The following UGT1A7 variants were observed in gnomAD, a reference collection of about 807,000 sequenced individuals.
UGT1A7 encodes the protein UDP-glucuronosyltransferase 1A7.
UGT1A7 carries 33 observed loss-of-function variants against 45.6 expected under a neutral mutation model. That is an observed-to-expected ratio of 0.72 (90% CI 0.55 to 0.97). The LOEUF (loss-of-function observed/expected upper bound fraction) is 0.97, where lower values mean the gene tolerates loss of function less well. UGT1A7 is among the 50% of genes least tolerant of loss of function. UGT1A7 has a pLI of 0.00. For synonymous variants in UGT1A7, 274 were observed against 250.6 expected, an observed-to-expected ratio of 1.09 and a Z score of -0.88; for missense variants, 684 against 666.2, an observed-to-expected ratio of 1.03 and a Z score of -0.29.
chr2:233,768,820 G>A (rs1699735908), intron 4 of UGT1A7, among the ~76,000 whole-genome samples: 1 of 151,998 alleles, frequency 6.6e-6, no homozygotes, highest in Non-Finnish European at 1.5e-5. Flanking sequence ...CTGACTTCAG[G>A]TGATCCACCT....
At chr2:233,692,755 G>A (rs1416113067) in intron 1 of UGT1A7, 3 of 1,150,320 alleles carry the variant, frequency 2.6e-6, no homozygotes, top group Non-Finnish European at 3.4e-6. Flanking sequence ...CAGACTTGTG[G>A]AGCTGAAGAG....
At chr2:233,768,494 T>A in intron 4 of UGT1A7, 55 bp downstream of exon 4, 1 of 1,575,098 alleles carries the variant, frequency 6.3e-7, no homozygotes, top group Non-Finnish European at 8.6e-7. Context: ...GATAAAATTG[T>A]TTCAAATATG....
At chr2:233,715,820 G>C (rs1490526502) in intron 1 of UGT1A7, among the ~76,000 whole-genome samples, 1 of 152,098 alleles carries the variant, frequency 6.6e-6, no homozygotes, top group East Asian at 1.9e-4. Context: ...TTTAAAGTTA[G>C]AAAACATTTT....
At chr2:233,683,914 A>G (rs2074656388) in intron 1 of UGT1A7, among the ~76,000 whole-genome samples, 1 of 152,210 alleles carries the variant, frequency 6.6e-6, no homozygotes, top group Non-Finnish European at 1.5e-5. Context: ...CGGAGCATAT[A>G]GTTCCAAAAT....
chr2:233,687,393 A>G (rs984891443), intron 1 of UGT1A7, among the ~76,000 whole-genome samples: 3 of 152,106 alleles, frequency 2.0e-5, no homozygotes, highest in Non-Finnish European at 4.4e-5. Context: ...ATTAAATATA[A>G]TAAAAGCTAA....
At chr2:233,737,427 G>T (rs1289829376) in intron 1 of UGT1A7, among the ~76,000 whole-genome samples, 1 of 152,214 alleles carries the variant, frequency 6.6e-6, no homozygotes, top group Non-Finnish European at 1.5e-5. Flanking sequence ...ACAGTATTTG[G>T]GTGGGAGTGT....
chr2:233,693,094 G>T, intron 1 of UGT1A7: 2 of 1,614,170 alleles, frequency 1.2e-6, no homozygotes, highest in Non-Finnish European at 1.7e-6. Flanking sequence ...ACAAGCTGCT[G>T]GTGGTCCCTC....
chr2:233,718,686 G>A, intron 1 of UGT1A7: 8 of 1,582,298 alleles, frequency 5.1e-6, no homozygotes, highest in Non-Finnish European at 6.9e-6. Context: ...ATAAGTAACT[G>A]GAGGAGGGCA....
At chr2:233,746,073 G>A (rs1049176727) in intron 1 of UGT1A7, among the ~76,000 whole-genome samples, 4 of 151,780 alleles carry the variant, frequency 2.6e-5, no homozygotes, top group Admixed American at 6.6e-5. Flanking sequence ...AAGAGAAGAG[G>A]AGTCACTTCT....
intron 1 of UGT1A7, among the ~76,000 whole-genome samples, chr2:233,739,421 G>C (rs1173496275): frequency 2.6e-5 from 4 of 152,188 alleles, no homozygotes; most frequent in African/African-American, 9.7e-5. Context: ...AAAGCAGCCA[G>C]GACGAGGGCT....
chr2:233,754,665 AT>A (rs752229414), intron 1 of UGT1A7: 3 of 465,408 alleles, frequency 6.4e-6, no homozygotes, highest in South Asian at 1.5e-5. Flanking sequence ...CTTGGTGGTG[AT>A]TTTTTTACCA....
At position 233,768,623 on chromosome 2, in the gene UGT1A7, G is replaced by A. The variant is rs1319443320; in HGVS notation, c.1295+184G>A. On this transcript the variant is annotated intron_variant, in intron 4 of 4. Coordinates refer to ENST00000373426, the MANE Select transcript of UGT1A7 (RefSeq NM_019077.3). ...TTTTTTTGAGATGGAGTCTTGCTCT[G>A]TCACCTAGGCTGGAGTGCAGTGGTG... Among the ~76,000 whole-genome samples, 3 of 112,724 alleles carry A rather than the reference G, an allele frequency of 2.7e-5. No individual in the cohort carries two copies. The Admixed American group carries it at 3.9e-4, about 15-fold the overall frequency. The allele number at this position is 112,724 out of a possible 152,430, so 74.0% of individuals were successfully genotyped here.
intron 1 of UGT1A7, among the ~76,000 whole-genome samples, chr2:233,724,167 C>T (rs1161532135): frequency 7.9e-6 from 1 of 127,032 alleles, no homozygotes; most frequent in Non-Finnish European, 1.6e-5. Context: ...GGGGCTGACC[C>T]CCCCATCTCC....
intron 1 of UGT1A7, among the ~76,000 whole-genome samples, chr2:233,690,312 T>C (rs1469713381): frequency 6.6e-6 from 1 of 152,206 alleles, no homozygotes; most frequent in East Asian, 1.9e-4. Flanking sequence ...CCATTACTTA[T>C]GGGTCGTAGG....
chr2:233,693,611 A>T (rs1423413232), intron 1 of UGT1A7: 1 of 1,614,080 alleles, frequency 6.2e-7, no homozygotes, highest in African/African-American at 1.3e-5. Flanking sequence ...TTCAGACCAC[A>T]TGACTTTTTC....
At position 233,772,036 on chromosome 2, in the gene UGT1A7, C is replaced by T. The variant is rs575173136; in HGVS notation, c.1296-226C>T. Among the ~76,000 whole-genome samples, 3 of 152,210 alleles carry T rather than the reference C, an allele frequency of 2.0e-5. No individual in the cohort carries two copies. The East Asian group carries it at 5.8e-4, about 29-fold the overall frequency. Reference sequence around the variant, plus strand: ...GCTGAGGCAGGAGGATGGCTTGAGCCCAGGAGTTGGAGGCTGCAGTTAGCC... The same window carrying T: ...GCTGAGGCAGGAGGATGGCTTGAGCTCAGGAGTTGGAGGCTGCAGTTAGCC... On this transcript the variant is annotated intron_variant, in intron 4 of 4. Transcript: ENST00000373426.
At chr2:233,747,691 T>C in intron 1 of UGT1A7, 3 of 1,611,090 alleles carry the variant, frequency 1.9e-6, no homozygotes, top group Non-Finnish European at 2.5e-6. Flanking sequence ...TGTGGGGCAG[T>C]GCTGGCTAAG....
chr2:233,771,328 C>G (rs11888492), intron 4 of UGT1A7: 27,690 of 151,958 alleles, frequency 0.18, 3,662 homozygotes, highest in African/African-American at 0.37. Flanking sequence ...CTTCAATCTC[C>G]TCTTCATTCC....
intron 1 of UGT1A7, among the ~76,000 whole-genome samples, chr2:233,757,337 A>G (rs1976391): frequency 0.35 from 51,596 of 146,046 alleles, 9,773 homozygotes; most frequent in African/African-American, 0.44. Context: ...TGGGACCATG[A>G]CAGCTGGGTC....
Sources: allele counts gnomAD v4.1 joint callset (sites outside exome capture counted in the v4.1 genomes callset), GRCh38; gene constraint gnomAD v4.1.1; transcripts MANE v1.5; gene names NCBI Gene and HGNC (gene_info 2026-07-23, HGNC 2026-07-21).